The following ADARB2 variants were observed in gnomAD, a reference collection of about 807,000 sequenced individuals.
ADARB2 encodes the protein adenosine deaminase RNA specific B2 (inactive), also known as inactive double-stranded RNA-specific editase B2.
A neutral mutation model predicts 62.2 loss-of-function variants in ADARB2; 25 were observed. The ratio of observed to expected loss-of-function variants is 0.40; its 90% CI spans 0.29 to 0.56. The LOEUF (loss-of-function observed/expected upper bound fraction) is 0.56, where lower values mean the gene tolerates loss of function less well. Ranked by LOEUF, ADARB2 falls within the 20% of genes least tolerant of loss-of-function variation. The pLI is 0.43. For missense variants in ADARB2, 1,071 were observed against 1,077.4 expected (o/e 0.99, Z 0.08); for synonymous variants, 572 against 500.8 (o/e 1.14, Z -1.90).
At chr10:1,396,432 C>T (rs561090146) in intron 1 of ADARB2, among the ~76,000 whole-genome samples, 1 of 152,298 alleles carries the variant, frequency 6.6e-6, no homozygotes, top group Admixed American at 6.5e-5. Context: ...TTACTTCCAT[C>T]ATTCATTTGT....
intron 1 of ADARB2, among the ~76,000 whole-genome samples, chr10:1,534,097 G>T (rs10903470): frequency 0.31 from 46,573 of 150,324 alleles, 8,288 homozygotes; most frequent in East Asian, 0.6. Context: ...AAACACTAGG[G>T]TTAAGAAGGA....
chr10:1,387,279 T>G (rs1170785972), intron 1 of ADARB2, among the ~76,000 whole-genome samples: 1 of 151,354 alleles, frequency 6.6e-6, no homozygotes. Context: ...GGAGTCAAAA[T>G]AGGAAGTGGA....
At chr10:1,709,011 G>A (rs765016414) in intron 1 of ADARB2, among the ~76,000 whole-genome samples, 18 of 152,176 alleles carry the variant, frequency 1.2e-4, no homozygotes, top group Non-Finnish European at 2.5e-4. Flanking sequence ...AATATGGAGG[G>A]AGGAGGGGAG....
chr10:1,329,494 AGGGC>A (rs1204690610), intron 3 of ADARB2, among the ~76,000 whole-genome samples: 1 of 152,142 alleles, frequency 6.6e-6, no homozygotes, highest in Non-Finnish European at 1.5e-5. Context: ...AGTCACACCC[AGGGC>A]GCCTGGGTTC....
intron 3 of ADARB2, among the ~76,000 whole-genome samples, chr10:1,277,959 TTC>T (rs769743622): frequency 2.5e-5 from 2 of 80,250 alleles, no homozygotes; most frequent in Admixed American, 1.3e-4. Flanking sequence ...CTTCCCCTCT[TTC>T]TCTCTCTCTT....
At chr10:1,259,013 C>T (rs1439906059) in intron 4 of ADARB2, among the ~76,000 whole-genome samples, 3 of 152,214 alleles carry the variant, frequency 2.0e-5, no homozygotes, top group African/African-American at 7.2e-5. Flanking sequence ...AACTGCTCAA[C>T]TACATGGAAA....
At chr10:1,578,662 AAC>A (rs142639523) in intron 1 of ADARB2, among the ~76,000 whole-genome samples, 2 of 144,956 alleles carry the variant, frequency 1.4e-5, no homozygotes, top group Admixed American at 6.9e-5. Flanking sequence ...TGTTACCCCA[AAC>A]ACACACACAC....
intron 3 of ADARB2, among the ~76,000 whole-genome samples, chr10:1,273,196 G>A (rs972770530): frequency 2.7e-5 from 4 of 145,720 alleles, no homozygotes; most frequent in Non-Finnish European, 6.1e-5. Flanking sequence ...TTCTGGGGCT[G>A]TTCAACCTGC....
chr10:1,376,440 C>G (rs751942075), intron 2 of ADARB2, among the ~76,000 whole-genome samples: 5 of 152,232 alleles, frequency 3.3e-5, no homozygotes, highest in Non-Finnish European at 7.3e-5. Flanking sequence ...GCCTGAAAGG[C>G]TTCCAGAAAG....
intron 1 of ADARB2, among the ~76,000 whole-genome samples, chr10:1,658,319 T>C (rs1405696313): frequency 6.6e-6 from 1 of 151,896 alleles, no homozygotes; most frequent in Admixed American, 6.6e-5. Flanking sequence ...CTCTATCTGA[T>C]TCTGTCTCTC....
intron 1 of ADARB2, among the ~76,000 whole-genome samples, chr10:1,437,083 G>A (rs959107554): frequency 8.5e-5 from 13 of 152,078 alleles, no homozygotes; most frequent in African/African-American, 2.9e-4. Flanking sequence ...TTTTAACAGG[G>A]CAAAGGTTTT....
chr10:1,654,395 G>A (rs1314351977), intron 1 of ADARB2, among the ~76,000 whole-genome samples: 1 of 152,170 alleles, frequency 6.6e-6, no homozygotes, highest in Non-Finnish European at 1.5e-5. Context: ...TACCCCAGGG[G>A]TGCTGAGACA....
rs761290394 is a variant in ADARB2, at chr10:1,363,690, C to G, written c.415G>C (p.Gly139Arg). ...ALVQLHELRP[G>R]LQYRTVSQTG... ...TGCGACACTGTCCGGTACTGCAGGC[C>G]CGGCCTCAGCTCGTGCAGCTGCACC... is the stretch of plus-strand genomic sequence containing the variant. Residue 139 changes from glycine to arginine, a missense_variant, in exon 3 of 10, where the codon GGC (glycine) becomes CGC (arginine). Physicochemically the swap from Gly to Arg is moderately radical, Grantham distance 125. Transcript: ENST00000381312. 1 of 1,611,540 alleles carries G rather than the reference C, an allele frequency of 6.2e-7. No individual in the cohort carries two copies. Among genetic ancestry groups the G allele is most frequent in the Non-Finnish European group, 8.5e-7 (1 of 1,179,282 alleles).
intron 3 of ADARB2, among the ~76,000 whole-genome samples, chr10:1,348,689 C>T (rs1009932515): frequency 6.6e-6 from 1 of 152,208 alleles, no homozygotes; most frequent in African/African-American, 2.4e-5. Flanking sequence ...GCTGTGAAGG[C>T]CCCGAGATGG....
Position 1,185,316 on chromosome 10 carries a change from T to C in ADARB2, c.1865-277A>G, listed in dbSNP as rs375813145. 6.7e-4 allele frequency among the ~76,000 whole-genome samples: 102 copies of C among 151,500 alleles called. 2 individuals carry two copies. Among genetic ancestry groups the C allele is most frequent in the African/African-American group, 2.4e-3 (98 of 41,254 alleles). ...GGTGATAATATAGCTCCGTCCAGAT[T>C]CCCCCCCCTTCTGTAAATATTAGTT... On this transcript the variant is annotated intron_variant, in intron 8 of 9. Transcript: ENST00000381312.
chr10:1,672,528 T>G (rs190889189), intron 1 of ADARB2, among the ~76,000 whole-genome samples: 241 of 152,232 alleles, frequency 1.6e-3, no homozygotes, highest in African/African-American at 5.6e-3. Context: ...AGAGCCCGCC[T>G]TTTCCTCTCT....
At chr10:1,652,739 G>T (rs529573053) in intron 1 of ADARB2, among the ~76,000 whole-genome samples, 2 of 152,294 alleles carry the variant, frequency 1.3e-5, no homozygotes, top group South Asian at 2.1e-4. Flanking sequence ...AGCAAGGAAG[G>T]CTCATTACCC....
At chr10:1,732,497 T>C (rs2119049644) in intron 1 of ADARB2, among the ~76,000 whole-genome samples, 1 of 152,282 alleles carries the variant, frequency 6.6e-6, no homozygotes, top group East Asian at 1.9e-4. Context: ...TTACTGTTAT[T>C]ACATGGGTCA....
rs140449781 is a variant in ADARB2, at chr10:1,432,281, A to C, written c.101-53121T>G. On this transcript the variant is annotated intron_variant, in intron 1 of 9. Transcript: ENST00000381312. ...CTTATTTAACTTGTGATATATTGAG[A>C]AATTGCCCTAGAATATCAAGATGGA... Among the ~76,000 whole-genome samples the C allele has an allele frequency of 2.6e-3, 389 of 152,238 alleles. 1 individual carries two copies. Among genetic ancestry groups the C allele is most frequent in the Non-Finnish European group, 4.2e-3 (285 of 68,012 alleles).
Sources: gnomAD v4.1 joint callset for allele counts (sites outside exome capture counted in the v4.1 genomes callset) on GRCh38, gnomAD v4.1.1 for gene constraint, MANE v1.5 for transcripts, NCBI Gene and HGNC (gene_info 2026-07-23, HGNC 2026-07-21) for gene names.